The following SERPINB8 variants were observed in gnomAD, a reference collection of about 807,000 sequenced individuals.
The protein encoded by SERPINB8 is serpin family B member 8.
Under a neutral mutation model 35.3 loss-of-function variants are expected in SERPINB8, and 25 were observed. The observed-to-expected ratio is 0.71, with a 90% CI of 0.52 to 0.99. The LOEUF is 0.99. Among genes scored for constraint, SERPINB8 ranks in the 50% least tolerant of loss-of-function variants. The pLI, the probability that SERPINB8 is intolerant of heterozygous loss-of-function variation, is 0.00. For missense variants in SERPINB8, 484 were observed against 446.5 expected, an observed-to-expected ratio of 1.08 and a Z score of -0.76; for synonymous variants, 186 against 160.8, an observed-to-expected ratio of 1.16 and a Z score of -1.19.
Position 63,987,374 on chromosome 18 carries a change from C to CA in SERPINB8, c.*100dup. The CA allele has an allele frequency of 8.0e-7, 1 of 1,253,564 alleles. No individual in the cohort carries two copies. The highest frequency in any genetic ancestry group is 1.1e-6 in the Non-Finnish European group (1 of 895,118). The allele number at this position is 1,253,564 out of a possible 1,614,324, so 77.7% of individuals were successfully genotyped here. On this transcript the variant is annotated 3_prime_UTR_variant, in exon 7 of 7. Coordinates refer to ENST00000397985, the MANE Select transcript of SERPINB8 (RefSeq NM_002640.4). ...CTAGTTGGTGCAGTGGCTTGAATGC[C>CA]AAAATAAAGCGTGTGCACTGGATAG...
chr18:63,977,388 G>A (rs370625001), intron 1 of SERPINB8, among the ~76,000 whole-genome samples: 8 of 151,706 alleles, frequency 5.3e-5, no homozygotes, highest in African/African-American at 1.7e-4. Context: ...GTGCAGTGGC[G>A]TGATCTCGGC....
At chr18:64,000,329 A>G (rs1395051083) in intron 1 of SERPINB8, among the ~76,000 whole-genome samples, 1 of 152,188 alleles carries the variant, frequency 6.6e-6, no homozygotes, top group Non-Finnish European at 1.5e-5. Context: ...AATCCCGCAA[A>G]TTCCATTTAT....
chr18:64,017,799 C>CA (rs1459959641), intron 7 of SERPINB8, among the ~76,000 whole-genome samples: 1 of 152,050 alleles, frequency 6.6e-6, no homozygotes, highest in East Asian at 1.9e-4. Context: ...ACCTTCTTTC[C>CA]AAAAAGGATA....
rs74661493 is a variant in SERPINB8 at position 63,985,532 on chromosome 18, A to G, written c.720+287A>G. ...CATGGAAGGTCTATTTGAAAGCCCA[A>G]TGATTATTGCACAAAAGTCCTGGAA... On this transcript the variant is annotated intron_variant, in intron 6 of 6. Coordinates refer to ENST00000397985, the MANE Select transcript of SERPINB8 (RefSeq NM_002640.4). Among the ~76,000 whole-genome samples the G allele has an allele frequency of 2.9e-3, 439 of 152,334 alleles. 4 individuals are homozygous for G. The highest frequency in any genetic ancestry group is 8.4e-3 in the African/African-American group (349 of 41,574).
chr18:64,007,690 A>T (rs1599169538), downstream of SERPINB8, among the ~76,000 whole-genome samples: 1 of 152,180 alleles, frequency 6.6e-6, no homozygotes, highest in Non-Finnish European at 1.5e-5. Context: ...TTGGAGCAGG[A>T]GGAAGAGAGA....
chr18:64,010,256 T>G (rs80338357), downstream of SERPINB8, among the ~76,000 whole-genome samples: 2,217 of 152,290 alleles, frequency 0.015, 57 homozygotes, highest in African/African-American at 0.051. Context: ...TTTAAAAGTC[T>G]GTTGATACCA....
rs768883943 is a variant in SERPINB8, at chr18:63,988,977, T to C, written c.*1699T>C. 6.6e-6 allele frequency: 1 copy of C among 152,202 alleles called. No individual in the cohort carries two copies. Among genetic ancestry groups the C allele is most frequent in the Non-Finnish European group, 1.5e-5 (1 of 68,036 alleles). 9.4% of individuals were successfully genotyped at this position (152,202 alleles called of 1,614,324 possible). A position where few individuals can be genotyped will look rare whatever the true frequency, so the allele number is the denominator to read the frequency against. On this transcript the variant is annotated 3_prime_UTR_variant, in exon 7 of 7. Coordinates refer to ENST00000397985, the MANE Select transcript of SERPINB8 (RefSeq NM_002640.4). ...CGCTATATTCAAGATAATGAACCTA[T>C]CTATCATACTCCCAAATTCCTTCTT...
Position 63,978,337 on chromosome 18 carries a change from C to G in SERPINB8, c.29C>G (p.Thr10Ser), listed in dbSNP as rs975894337. The change falls in exon 2 of 7, where the codon ACT (threonine) becomes AGT (serine). Residue 10 changes from threonine to serine, a missense_variant. By Grantham distance (58) the Thr-to-Ser change is moderately conservative. Coordinates refer to ENST00000397985, the MANE Select transcript of SERPINB8 (RefSeq NM_002640.4). Reference sequence around the variant, plus strand: ...GATGACCTCTGTGAAGCAAATGGCACTTTTGCCATCAGCTTATTTAAAATA... The same window carrying G: ...GATGACCTCTGTGAAGCAAATGGCAGTTTTGCCATCAGCTTATTTAAAATA... The part of the protein sequence containing the change: MDDLCEANG[T>S]FAISLFKILG... 2.5e-6 allele frequency: 4 copies of G among 1,614,160 alleles called. No homozygotes were observed. The highest frequency in any genetic ancestry group is 3.4e-6 in the Non-Finnish European group (4 of 1,180,032).
chr18:64,001,054 T>C (rs2050872033), intron 1 of SERPINB8, among the ~76,000 whole-genome samples: 1 of 152,214 alleles, frequency 6.6e-6, no homozygotes, highest in South Asian at 2.1e-4. Flanking sequence ...GAGATATACT[T>C]TGTTAGATGT....
intron 1 of SERPINB8, among the ~76,000 whole-genome samples, chr18:63,976,413 G>GC (rs529628009): frequency 1.6e-4 from 25 of 152,132 alleles, no homozygotes; most frequent in Non-Finnish European, 4.4e-5. Flanking sequence ...TAAGCAAGGT[G>GC]CCCCCCTAGA....
downstream of SERPINB8, among the ~76,000 whole-genome samples, chr18:64,007,537 A>G (rs1459634482): frequency 1.3e-5 from 2 of 152,234 alleles, no homozygotes; most frequent in Non-Finnish European, 2.9e-5. Context: ...TATTATAAAT[A>G]CCTGAGACTG....
chr18:63,982,703 T>C (rs764933313), intron 4 of SERPINB8, among the ~76,000 whole-genome samples: 1 of 152,170 alleles, frequency 6.6e-6, no homozygotes, highest in Non-Finnish European at 1.5e-5. Context: ...AACAGTACTG[T>C]CACCTGAGGA....
chr18:64,015,365 T>G (rs1461156546), intron 7 of SERPINB8, among the ~76,000 whole-genome samples: 1 of 152,210 alleles, frequency 6.6e-6, no homozygotes, highest in Non-Finnish European at 1.5e-5. Flanking sequence ...TTATATGACC[T>G]TGAGCAAGTT....
downstream of SERPINB8, among the ~76,000 whole-genome samples, chr18:63,990,071 G>GTTTTT (rs747683579): frequency 1.7e-5 from 2 of 116,076 alleles, no homozygotes; most frequent in Non-Finnish European, 3.5e-5. Flanking sequence ...TTGTTTTCGT[G>GTTTTT]TTTTTTTTTT....
Position 63,986,850 on chromosome 18 carries a change from A to C in SERPINB8, c.721-24A>C, listed in dbSNP as rs769379118. On this transcript the variant is annotated intron_variant, in intron 6 of 6. Transcript: ENST00000397985. Reference sequence around the variant, plus strand: ...TCAGGCTATTGTCATCTAAATTTTAAGGTTTGAGTCTTTCTTATCCTAGGT... The same window carrying C: ...TCAGGCTATTGTCATCTAAATTTTACGGTTTGAGTCTTTCTTATCCTAGGT... 5 of 1,570,616 alleles carry C rather than the reference A, an allele frequency of 3.2e-6. No individual in the cohort carries two copies. In the African/African-American group the frequency reaches 6.9e-5, roughly 22 times the overall value.
At chr18:64,012,569 GTA>G (rs34620452) in intron 7 of SERPINB8, among the ~76,000 whole-genome samples, 10,417 of 111,936 alleles carry the variant, frequency 0.093, 478 homozygotes, top group South Asian at 0.21. Context: ...ATCTGTGTAT[GTA>G]TGTGTGTGTG....
intron 4 of SERPINB8, among the ~76,000 whole-genome samples, chr18:63,983,233 C>T (rs542377220): frequency 6.6e-6 from 1 of 152,280 alleles, no homozygotes; most frequent in South Asian, 2.1e-4. Flanking sequence ...GTTGACTGCC[C>T]CATAGTCAGA....
At chr18:63,976,426 A>G (rs1336450099) in intron 1 of SERPINB8, among the ~76,000 whole-genome samples, 1 of 152,220 alleles carries the variant, frequency 6.6e-6, no homozygotes, top group Non-Finnish European at 1.5e-5. Flanking sequence ...CCCCTAGATT[A>G]GGCTCCTACC....
chr18:63,976,576 C>T (rs1169705348), intron 1 of SERPINB8, among the ~76,000 whole-genome samples: 1 of 152,034 alleles, frequency 6.6e-6, no homozygotes, highest in East Asian at 1.9e-4. Context: ...CTCAAAGGGG[C>T]TGATAAAGAA....
Sources: gnomAD v4.1 joint callset for allele counts (sites outside exome capture counted in the v4.1 genomes callset) on GRCh38, gnomAD v4.1.1 for gene constraint, MANE v1.5 for transcripts, NCBI Gene and HGNC (gene_info 2026-07-23, HGNC 2026-07-21) for gene names.